Variants in SNTG2 observed in about 807,000 individuals in gnomAD.
SNTG2 encodes the protein gamma-2-syntrophin.
Under a neutral mutation model 70.9 loss-of-function variants are expected in SNTG2, and 74 were observed. That is an observed-to-expected ratio of 1.04 (90% CI 0.86 to 1.27). The LOEUF (loss-of-function observed/expected upper bound fraction) is 1.27, where lower values mean the gene tolerates loss of function less well. Ranked by LOEUF, SNTG2 falls within the 50% of genes most tolerant of loss-of-function variation. The pLI is 0.00. For missense variants in SNTG2, 717 were observed against 690.7 expected, an observed-to-expected ratio of 1.04 and a Z score of -0.43; for synonymous variants, 278 against 273.8, an observed-to-expected ratio of 1.02 and a Z score of -0.15.
At chr2:1,095,234 G>A (rs942334371) in intron 2 of SNTG2, among the ~76,000 whole-genome samples, 5 of 152,142 alleles carry the variant, frequency 3.3e-5, no homozygotes, top group African/African-American at 9.7e-5. Flanking sequence ...TGGAGGTCAG[G>A]ACTTCAACAC....
intron 14 of SNTG2, among the ~76,000 whole-genome samples, chr2:1,299,670 G>C (rs144898468): frequency 1.5e-3 from 236 of 152,322 alleles, no homozygotes; most frequent in African/African-American, 5.2e-3. Flanking sequence ...TCCCTGTGAA[G>C]CAACCCACAA....
At chr2:1,294,760 A>G (rs540647949) in intron 14 of SNTG2, among the ~76,000 whole-genome samples, 1 of 152,372 alleles carries the variant, frequency 6.6e-6, no homozygotes, top group African/African-American at 2.4e-5. Flanking sequence ...TGAACAAAAT[A>G]TCTTAGCATC....
At position 1,016,272 on chromosome 2, in the gene SNTG2, C is replaced by T. The variant is rs578151840; in HGVS notation, c.72+65204C>T. The stretch of plus-strand genomic sequence containing the variant: ...TGTTTTTTGTTTTGCGACGGAGTCT[C>T]GCTCTGTCACCCAGGCTGGAGTTCA... On this transcript the variant is annotated intron_variant, in intron 1 of 16. Transcript: ENST00000308624. Among the ~76,000 whole-genome samples the T allele has an allele frequency of 1.6e-3, 244 of 152,252 alleles. 4 individuals are homozygous for T. In the South Asian group the frequency reaches 0.019, roughly 12 times the overall value.
At chr2:1,264,712 C>CTA (rs1213076435) in intron 13 of SNTG2, among the ~76,000 whole-genome samples, 2 of 152,162 alleles carry the variant, frequency 1.3e-5, no homozygotes, top group East Asian at 3.8e-4. Context: ...TCTCTATTCT[C>CTA]TAGCTTACTT....
At chr2:1,000,727 A>T (rs188128100) in intron 1 of SNTG2, among the ~76,000 whole-genome samples, 1,569 of 151,998 alleles carry the variant, frequency 0.01, 32 homozygotes, top group African/African-American at 0.035. Context: ...AAACTATTTT[A>T]AAAAATGAGG....
At position 1,235,335 on chromosome 2, in the gene SNTG2, C is replaced by T. The variant is rs539820064; in HGVS notation, c.720-2553C>T. Among the ~76,000 whole-genome samples the T allele has an allele frequency of 1.5e-4, 13 of 85,008 alleles. No homozygotes were observed. The South Asian group carries it at 1.8e-3, about 12-fold the overall frequency. The allele number at this position is 85,008 out of a possible 152,430, so 55.8% of individuals were successfully genotyped here. On this transcript the variant is annotated intron_variant, in intron 9 of 16. Transcript: ENST00000308624. The stretch of plus-strand genomic sequence containing the variant: ...CCCTGCCCCACGCTGCCCTGAGGTC[C>T]CTGCAGGCCCCACCAGGCACCCCCG...
intron 1 of SNTG2, among the ~76,000 whole-genome samples, chr2:1,079,654 G>A (rs551120823): frequency 6.6e-5 from 10 of 152,018 alleles, no homozygotes; most frequent in South Asian, 2.1e-4. Flanking sequence ...CACCCTTCCC[G>A]TGTCCTCGGT....
chr2:1,094,966 T>C (rs1178646003), intron 2 of SNTG2, among the ~76,000 whole-genome samples: 1 of 146,160 alleles, frequency 6.8e-6, no homozygotes, highest in Middle Eastern at 3.2e-3. Context: ...TGTGTCCTCA[T>C]ATGGTAGAGT....
At chr2:1,130,428 CT>C (rs1181219797) in intron 4 of SNTG2, among the ~76,000 whole-genome samples, 2 of 152,024 alleles carry the variant, frequency 1.3e-5, no homozygotes, top group African/African-American at 2.4e-5. Context: ...ATAATAAAAT[CT>C]TTTTTTGCAT....
chr2:1,173,551 A>C (rs935409027), intron 8 of SNTG2, among the ~76,000 whole-genome samples: 8 of 152,242 alleles, frequency 5.3e-5, no homozygotes, highest in Admixed American at 5.2e-4. Context: ...ACACCTAAGG[A>C]GGTATGAACA....
intron 16 of SNTG2, among the ~76,000 whole-genome samples, chr2:1,351,515 C>G (rs1385018218): frequency 2.6e-5 from 4 of 152,110 alleles, no homozygotes; most frequent in Non-Finnish European, 4.4e-5. Flanking sequence ...GAAGGTAGAT[C>G]TTTGAATCTA....
In SNTG2 at chr2:1,260,103, G is replaced by C. The variant is rs957947875; in HGVS notation, c.1077+662G>C. Among the ~76,000 whole-genome samples the C allele has an allele frequency of 1.8e-4, 27 of 152,208 alleles. 1 individual carries two copies. The highest frequency in any genetic ancestry group is 2.1e-4 in the South Asian group (1 of 4,830). On this transcript the variant is annotated intron_variant, in intron 13 of 16. Coordinates refer to ENST00000308624, the MANE Select transcript of SNTG2 (RefSeq NM_018968.4). ...GGAGTACACAAAACAGAGACAAATA[G>C]GAATATTAAGTGAAAGTTTAAATGT...
intron 6 of SNTG2, chr2:1,161,085 C>T (rs28756295): frequency 0.77 from 116,637 of 152,198 alleles, 45,747 homozygotes; most frequent in Non-Finnish European, 0.86. Flanking sequence ...TTGACTTTGT[C>T]GGCGCAGAGC....
chr2:1,175,417 CTT>C (rs757553173), intron 8 of SNTG2, among the ~76,000 whole-genome samples: 12 of 152,146 alleles, frequency 7.9e-5, no homozygotes, highest in Non-Finnish European at 1.6e-4. Context: ...CATCCTCTCT[CTT>C]TGTTTTTTCT....
intron 14 of SNTG2, among the ~76,000 whole-genome samples, chr2:1,301,332 C>G (rs1013157512): frequency 1.3e-5 from 2 of 152,180 alleles, no homozygotes; most frequent in African/African-American, 4.8e-5. Context: ...CCATGCCATG[C>G]TGTCCTCCAG....
intron 8 of SNTG2, among the ~76,000 whole-genome samples, chr2:1,178,529 T>C (rs1671635922): frequency 1.3e-5 from 2 of 152,202 alleles, no homozygotes. Context: ...TTGAATTTTG[T>C]CAAAGGCCTT....
chr2:1,106,703 C>T (rs1666186297), intron 4 of SNTG2, among the ~76,000 whole-genome samples: 1 of 128,634 alleles, frequency 7.8e-6, no homozygotes, highest in Admixed American at 7.5e-5. Flanking sequence ...TGGATGCGTG[C>T]TGTCACTCGG....
chr2:1,081,348 T>C (rs970925077), intron 1 of SNTG2, among the ~76,000 whole-genome samples: 19 of 152,232 alleles, frequency 1.2e-4, no homozygotes, highest in Non-Finnish European at 2.6e-4. Flanking sequence ...GGCAGGGAGC[T>C]GCGGGCACCT....
At chr2:1,209,278 C>A (rs779872852) in intron 9 of SNTG2, 48 bp downstream of exon 9, 1 of 1,610,742 alleles carries the variant, frequency 6.2e-7, no homozygotes, top group East Asian at 2.2e-5. Context: ...ACCCCGTGCA[C>A]TTTTGCCAGT....
Sources: allele counts gnomAD v4.1 joint callset (sites outside exome capture counted in the v4.1 genomes callset), GRCh38; gene constraint gnomAD v4.1.1; transcripts MANE v1.5; gene names NCBI Gene and HGNC (gene_info 2026-07-23, HGNC 2026-07-21).